The following ABCC11 variants were observed in gnomAD, a reference collection of about 807,000 sequenced individuals.
The protein encoded by ABCC11 is ATP binding cassette subfamily C member 11.
ABCC11 carries 135 observed loss-of-function variants against 149.3 expected under a neutral mutation model. The ratio of observed to expected loss-of-function variants is 0.90; its 90% CI spans 0.79 to 1.04. The LOEUF (loss-of-function observed/expected upper bound fraction) is 1.04, where lower values mean the gene tolerates loss of function less well. Among genes scored for constraint, ABCC11 ranks in the 50% least tolerant of loss-of-function variants. The pLI is 0.00. For synonymous variants in ABCC11, 665 were observed against 671.4 expected (o/e 0.99, Z 0.15); for missense variants, 1,680 against 1,722.1 (o/e 0.98, Z 0.43).
intron 4 of ABCC11, among the ~76,000 whole-genome samples, 173 bp from the exon 5 acceptor site, chr16:48,224,602 T>G (rs1969953003): frequency 6.6e-6 from 1 of 152,226 alleles, no homozygotes; most frequent in South Asian, 2.1e-4. Flanking sequence ...ATGTTTGACA[T>G]TTTTGTTTCA....
chr16:48,245,865 T>C (rs182429889), intron 1 of ABCC11, among the ~76,000 whole-genome samples: 2 of 152,166 alleles, frequency 1.3e-5, no homozygotes, highest in East Asian at 1.9e-4. Context: ...TCAACAAGTA[T>C]CTTCAAACTC....
At chr16:48,205,620 C>A (rs1240384931) in intron 12 of ABCC11, 83 bp from the exon 13 acceptor site, 10 of 1,538,288 alleles carry the variant, frequency 6.5e-6, no homozygotes, top group Non-Finnish European at 8.8e-6. Flanking sequence ...GTGCCCAGGG[C>A]CCCACTGCCC....
chr16:48,168,081 T>C (rs534227557), intron 28 of ABCC11, among the ~76,000 whole-genome samples: 1 of 152,368 alleles, frequency 6.6e-6, no homozygotes, highest in Admixed American at 6.5e-5. Flanking sequence ...CATTTTTGTA[T>C]TTATTTCATT....
intron 26 of ABCC11, among the ~76,000 whole-genome samples, chr16:48,173,787 G>C (rs1395528924): frequency 4.6e-5 from 7 of 151,574 alleles, no homozygotes; most frequent in African/African-American, 1.5e-4. Flanking sequence ...ACCACATCTG[G>C]CTAATTTTTG....
chr16:48,225,661 C>A (rs2150904736), intron 4 of ABCC11, among the ~76,000 whole-genome samples: 1 of 152,246 alleles, frequency 6.6e-6, no homozygotes, highest in East Asian at 1.9e-4. Context: ...CATCAGGAAC[C>A]ACATGATGTC....
At chr16:48,222,222 A>T (rs1969791443) in intron 6 of ABCC11, among the ~76,000 whole-genome samples, 1 of 151,600 alleles carries the variant, frequency 6.6e-6, no homozygotes, top group East Asian at 1.9e-4. Context: ...GCCACCACAG[A>T]TGGCTGATTT....
intron 12 of ABCC11, among the ~76,000 whole-genome samples, chr16:48,206,160 T>C (rs1354853267): frequency 1.3e-5 from 2 of 152,218 alleles, no homozygotes; most frequent in Non-Finnish European, 2.9e-5. Context: ...GTCTTCACCA[T>C]GCACACCAAA....
At position 48,231,832 on chromosome 16, in the gene ABCC11, T is replaced by G; in HGVS notation, c.90A>C (p.Gly30=). 6.2e-7 allele frequency: 1 copy of G among 1,614,144 alleles called. No homozygotes were observed. Among genetic ancestry groups the G allele is most frequent in the East Asian group, 2.2e-5 (1 of 44,882 alleles). The change falls in exon 2 of 30, where the codon GGA becomes GGC. Residue 30 remains glycine (G), a synonymous_variant. Coordinates refer to ENST00000356608, the MANE Select transcript of ABCC11 (RefSeq NM_001370497.1). The part of the protein sequence containing the change: ...GIDIGDDMVS[G]LIYKTYTLQD... ...TAAGAGATCTACTTACATAAATAAG[T>G]CCTGAAACCATGTCATCGCCTATGT...
intron 1 of ABCC11, among the ~76,000 whole-genome samples, chr16:48,245,913 G>A (rs1014689200): frequency 3.3e-5 from 5 of 152,036 alleles, no homozygotes; most frequent in African/African-American, 1.2e-4. Flanking sequence ...TAACTCTACT[G>A]GAGGTGTTGT....
intron 26 of ABCC11, 96 bp from the exon 27 acceptor site, chr16:48,171,063 G>A: frequency 9.1e-7 from 1 of 1,100,638 alleles, no homozygotes; most frequent in Admixed American, 1.8e-5. Context: ...GTTTAGAACT[G>A]GATTATGGGG....
intron 14 of ABCC11, among the ~76,000 whole-genome samples, chr16:48,202,139 C>T (rs534392592): frequency 1.3e-5 from 2 of 152,142 alleles, no homozygotes; most frequent in Admixed American, 6.5e-5. Flanking sequence ...TACTCTAGGC[C>T]GGGCACTAGT....
At position 48,187,407 on chromosome 16, in the gene ABCC11, A is replaced by T; in HGVS notation, c.2727T>A (p.Ser909Arg). The change falls in exon 21 of 30, where the codon AGT becomes AGA. Residue 909 changes from serine (S) to arginine (R), a missense_variant. Ser to Arg is a moderately radical substitution (Grantham distance 110). Transcript: ENST00000356608. Reference protein sequence around the residue: ...LFNKVFRCPMSFFDTIPIGRL... With the variant: ...LFNKVFRCPMRFFDTIPIGRL... ...GGCCTATTGGGATGGTGTCAAAGAA[A>T]CTCATGGGGCAGCGGAAAACCTGCA... 6.2e-7 allele frequency: 1 copy of T among 1,613,420 alleles called. No individual in the cohort carries two copies. Among genetic ancestry groups the T allele is most frequent in the Non-Finnish European group, 8.5e-7 (1 of 1,179,670 alleles).
chr16:48,240,298 G>A (rs1787237613), intron 1 of ABCC11, among the ~76,000 whole-genome samples: 1 of 152,150 alleles, frequency 6.6e-6, no homozygotes, highest in South Asian at 2.1e-4. Flanking sequence ...CAATAGACTG[G>A]ATAAAGAAAA....
intron 1 of ABCC11, among the ~76,000 whole-genome samples, chr16:48,245,624 G>A (rs1302207660): frequency 6.6e-6 from 1 of 150,750 alleles, no homozygotes. Flanking sequence ...GAAACCAGGA[G>A]GTTGGTCACC....
At chr16:48,203,110 A>C in intron 14 of ABCC11, 118 bp downstream of exon 14, 1 of 1,168,488 alleles carries the variant, frequency 8.6e-7, no homozygotes, top group Admixed American at 2.3e-5. Flanking sequence ...AGCTGCAGGA[A>C]AAACTCCAAC....
At chr16:48,242,923 GA>G (rs1321214897) in intron 1 of ABCC11, among the ~76,000 whole-genome samples, 4 of 152,012 alleles carry the variant, frequency 2.6e-5, no homozygotes, top group Non-Finnish European at 5.9e-5. Context: ...GGGGGGAAGG[GA>G]TACCATTAGG....
intron 23 of ABCC11, among the ~76,000 whole-genome samples, chr16:48,179,998 G>A (rs1367451558): frequency 2.6e-5 from 4 of 152,354 alleles, no homozygotes; most frequent in South Asian, 4.1e-4. Context: ...TGCTTAGTCT[G>A]AAAAAGAGGC....
chr16:48,236,651 C>T (rs539781439), intron 1 of ABCC11, among the ~76,000 whole-genome samples: 3 of 152,232 alleles, frequency 2.0e-5, no homozygotes, highest in Admixed American at 2.0e-4. Context: ...CTAGGAAAGC[C>T]ACACAGTCAC....
intron 20 of ABCC11, 135 bp from the exon 21 acceptor site, chr16:48,187,562 T>C (rs1966822957): frequency 1.4e-5 from 10 of 722,328 alleles, no homozygotes; most frequent in South Asian, 1.8e-5. Context: ...TGTAGAGCAA[T>C]GATTTAAAAG....
Sources: allele counts gnomAD v4.1 joint callset (sites outside exome capture counted in the v4.1 genomes callset), GRCh38; gene constraint gnomAD v4.1.1; transcripts MANE v1.5; gene names NCBI Gene and HGNC (gene_info 2026-07-23, HGNC 2026-07-21).